Variants in CDC42SE2 observed in about 807,000 individuals in gnomAD.
CDC42SE2 encodes the protein CDC42 small effector protein 2.
A neutral mutation model predicts 11.5 loss-of-function variants in CDC42SE2; 3 were observed. The observed-to-expected ratio is 0.26, with a 90% confidence interval of 0.12 to 0.67. CDC42SE2 has a LOEUF of 0.67. CDC42SE2 is among the 30% of genes least tolerant of loss of function. The probability of loss-of-function intolerance (pLI) is 0.80; values close to 1 mark genes in which losing one functional copy is unlikely to be tolerated. For synonymous variants in CDC42SE2, 33 were observed against 34.8 expected (o/e 0.95, Z 0.18); for missense variants, 82 against 106.8 (o/e 0.77, Z 1.02).
intron 1 of CDC42SE2, among the ~76,000 whole-genome samples, chr5:131,268,949 C>T (rs528979298): frequency 6.6e-6 from 1 of 151,986 alleles, no homozygotes; most frequent in East Asian, 1.9e-4. Context: ...CGGGGTTTCA[C>T]CTTGTTGGCC....
chr5:131,272,541 TCCA>T (rs1757015335), intron 1 of CDC42SE2, among the ~76,000 whole-genome samples: 1 of 152,162 alleles, frequency 6.6e-6, no homozygotes, highest in African/African-American at 2.4e-5. Flanking sequence ...CATCATGGTC[TCCA>T]CTCGTGCTCC....
chr5:131,289,443 C>A (rs555948950), intron 1 of CDC42SE2, among the ~76,000 whole-genome samples: 1 of 152,052 alleles, frequency 6.6e-6, no homozygotes, highest in Non-Finnish European at 1.5e-5. Flanking sequence ...GAGGCCGAGG[C>A]GGGTGAATCA....
At chr5:131,341,659 A>G (rs535193896) in intron 2 of CDC42SE2, among the ~76,000 whole-genome samples, 50 of 152,356 alleles carry the variant, frequency 3.3e-4, no homozygotes, top group African/African-American at 1.2e-3. Flanking sequence ...CAGTACATCT[A>G]TTAATATGTT....
intron 2 of CDC42SE2, among the ~76,000 whole-genome samples, chr5:131,349,716 G>T: frequency 6.6e-6 from 1 of 151,992 alleles, no homozygotes; most frequent in Non-Finnish European, 1.5e-5. Context: ...TTTTATGCAG[G>T]TATTAAAATA....
the CDC42SE2 span, among the ~76,000 whole-genome samples, chr5:131,234,005 C>T: frequency 6.6e-6 from 1 of 152,162 alleles, no homozygotes; most frequent in African/African-American, 2.4e-5. Flanking sequence ...CTTTCCTTAC[C>T]TGCTCTTACC....
At chr5:131,244,807 A>G (rs982141377), upstream of CDC42SE2, among the ~76,000 whole-genome samples, 2 of 152,230 alleles carry the variant, frequency 1.3e-5, no homozygotes, top group Non-Finnish European at 2.9e-5. Flanking sequence ...AATTAAAAAT[A>G]TGCAGATCAC....
chr5:131,212,916 CA>C, the CDC42SE2 span, among the ~76,000 whole-genome samples: 1 of 152,138 alleles, frequency 6.6e-6, no homozygotes, highest in South Asian at 2.1e-4. Flanking sequence ...TCCGGCTGGG[CA>C]TGGTGGCTCA....
At chr5:131,237,211 G>A in the CDC42SE2 span, among the ~76,000 whole-genome samples, 15 of 152,138 alleles carry the variant, frequency 9.9e-5, no homozygotes, top group African/African-American at 3.6e-4. Flanking sequence ...TATTAAGAAA[G>A]TTCTTTCTGA....
At chr5:131,289,005 T>C (rs2149707757) in intron 1 of CDC42SE2, among the ~76,000 whole-genome samples, 1 of 152,360 alleles carries the variant, frequency 6.6e-6, no homozygotes, top group South Asian at 2.1e-4. Flanking sequence ...TTAAATGTTT[T>C]GGCTCCTGTA....
At chr5:131,222,504 G>A in the CDC42SE2 span, among the ~76,000 whole-genome samples, 1 of 152,166 alleles carries the variant, frequency 6.6e-6, no homozygotes, top group African/African-American at 2.4e-5. Context: ...GCTATTCTTT[G>A]CATTATTTGA....
At chr5:131,374,091 A>G (rs907802286) in intron 3 of CDC42SE2, among the ~76,000 whole-genome samples, 1 of 152,168 alleles carries the variant, frequency 6.6e-6, no homozygotes, top group Non-Finnish European at 1.5e-5. Flanking sequence ...TATCAAAGTA[A>G]TACTAGGGGA....
At chr5:131,264,714 G>C (rs1039328800) in intron 1 of CDC42SE2, among the ~76,000 whole-genome samples, 35 of 152,222 alleles carry the variant, frequency 2.3e-4, no homozygotes, top group African/African-American at 7.2e-4. Context: ...CCTCGTCGCG[G>C]GAGCTGAGCT....
chr5:131,266,488 C>T (rs1353585971), intron 1 of CDC42SE2, among the ~76,000 whole-genome samples: 1 of 134,944 alleles, frequency 7.4e-6, no homozygotes, highest in African/African-American at 2.7e-5. Flanking sequence ...GAGACGAAGT[C>T]TCGCTCTGTC....
intron 2 of CDC42SE2, among the ~76,000 whole-genome samples, chr5:131,330,697 G>A (rs1319514809): frequency 1.3e-5 from 2 of 152,006 alleles, no homozygotes; most frequent in African/African-American, 4.8e-5. Context: ...ACAATGCACA[G>A]GACAGTGCCT....
At chr5:131,242,980 A>G (rs1756552525), upstream of CDC42SE2, among the ~76,000 whole-genome samples, 1 of 152,234 alleles carries the variant, frequency 6.6e-6, no homozygotes, top group Admixed American at 6.5e-5. Flanking sequence ...CATGCAAATT[A>G]CTAGTAAAGG....
upstream of CDC42SE2, among the ~76,000 whole-genome samples, chr5:131,240,985 TTTTTG>T (rs140068029): frequency 6.7e-6 from 1 of 149,168 alleles, no homozygotes; most frequent in Non-Finnish European, 1.5e-5. Context: ...TTTGTTTTTG[TTTTTG>T]TTTTTTGAGA....
At chr5:131,288,051 C>G (rs1757377042) in intron 1 of CDC42SE2, among the ~76,000 whole-genome samples, 1 of 151,888 alleles carries the variant, frequency 6.6e-6, no homozygotes, top group African/African-American at 2.4e-5. Context: ...TGAGACCGGC[C>G]TGGGCAAAAT....
chr5:131,342,747 C>CT (rs759364551), intron 2 of CDC42SE2, among the ~76,000 whole-genome samples: 5 of 150,622 alleles, frequency 3.3e-5, no homozygotes, highest in Non-Finnish European at 7.4e-5. Flanking sequence ...GATTCTCGCT[C>CT]TATTACTCAG....
chr5:131,272,939 CA>C (rs1757024379), intron 1 of CDC42SE2, among the ~76,000 whole-genome samples: 1 of 152,044 alleles, frequency 6.6e-6, no homozygotes. Flanking sequence ...TTGATAACAT[CA>C]TGTTTGAAAT....
Sources: allele counts gnomAD v4.1 joint callset (sites outside exome capture counted in the v4.1 genomes callset), GRCh38; gene constraint gnomAD v4.1.1; transcripts MANE v1.5; gene names NCBI Gene and HGNC (gene_info 2026-07-23, HGNC 2026-07-21).